Variants in ALOX5AP observed in about 807,000 individuals in gnomAD.
ALOX5AP encodes arachidonate 5-lipoxygenase-activating protein.
Under a neutral mutation model 18.5 loss-of-function variants are expected in ALOX5AP, and 9 were observed. That is an observed-to-expected ratio of 0.49 (90% CI 0.29 to 0.85). The LOEUF is 0.85. Ranked by LOEUF, ALOX5AP falls within the 40% of genes least tolerant of loss-of-function variation. The pLI is 0.08. For missense variants in ALOX5AP, 172 were observed against 202.5 expected (o/e 0.85, Z 0.91); for synonymous variants, 81 against 78.6 (o/e 1.03, Z -0.16).
intron 4 of ALOX5AP, among the ~76,000 whole-genome samples, chr13:30,760,636 C>T (rs1951933744): frequency 6.6e-6 from 1 of 152,220 alleles, no homozygotes; most frequent in South Asian, 2.1e-4. Flanking sequence ...ATTCTGGCCT[C>T]ACACAGGCAG....
chr13:30,735,763 G>GTT, intron 1 of ALOX5AP, 88 bp downstream of exon 1: 3 of 1,465,084 alleles, frequency 2.0e-6, no homozygotes, highest in East Asian at 2.3e-5. Context: ...AATTGTGTCT[G>GTT]TGTGTGCGCA....
At chr13:30,722,422 T>A (rs1449826773) in intron 1 of ALOX5AP, among the ~76,000 whole-genome samples, 1 of 152,258 alleles carries the variant, frequency 6.6e-6, no homozygotes, top group Non-Finnish European at 1.5e-5. Context: ...TATTTTATTT[T>A]TTTTTGTTTA....
chr13:30,762,751 G>A (rs1951952532), intron 4 of ALOX5AP, among the ~76,000 whole-genome samples: 1 of 152,150 alleles, frequency 6.6e-6, no homozygotes, highest in African/African-American at 2.4e-5. Context: ...TTAGCTGTTG[G>A]GCTGAGCTGG....
At chr13:30,740,411 T>A (rs1392185387) in intron 1 of ALOX5AP, among the ~76,000 whole-genome samples, 1 of 152,244 alleles carries the variant, frequency 6.6e-6, no homozygotes, top group African/African-American at 2.4e-5. Flanking sequence ...TAGCTAGCAG[T>A]GCCCACGTAC....
chr13:30,741,002 A>G (rs12018461), intron 1 of ALOX5AP, among the ~76,000 whole-genome samples: 43,111 of 149,184 alleles, frequency 0.29, 6,787 homozygotes, highest in African/African-American at 0.42. Context: ...CTGGGGGATT[A>G]GTTCTATGAC....
intron 1 of ALOX5AP, among the ~76,000 whole-genome samples, chr13:30,723,322 A>G (rs1451453575): frequency 6.6e-6 from 1 of 152,170 alleles, no homozygotes; most frequent in Non-Finnish European, 1.5e-5. Context: ...TTGCATGTGG[A>G]TGTCCAGTTG....
intron 4 of ALOX5AP, among the ~76,000 whole-genome samples, chr13:30,758,688 T>C (rs1432993078): frequency 6.6e-6 from 1 of 152,188 alleles, no homozygotes; most frequent in East Asian, 1.9e-4. Flanking sequence ...CCTTCCTCTA[T>C]CCTGTTTAGT....
intron 4 of ALOX5AP, among the ~76,000 whole-genome samples, chr13:30,756,241 G>A (rs1029023570): frequency 6.6e-6 from 1 of 152,114 alleles, no homozygotes; most frequent in Non-Finnish European, 1.5e-5. Flanking sequence ...TTCTTATTAA[G>A]CAATTCCTCC....
intron 1 of ALOX5AP, among the ~76,000 whole-genome samples, chr13:30,721,359 G>A (rs1375725633): frequency 4.6e-5 from 7 of 152,162 alleles, no homozygotes; most frequent in African/African-American, 1.7e-4. Flanking sequence ...ACCAAGTACT[G>A]TAAGACTGAG....
chr13:30,727,060 CTTT>C (rs35918047), intron 1 of ALOX5AP, among the ~76,000 whole-genome samples: 1 of 141,748 alleles, frequency 7.1e-6, no homozygotes, highest in South Asian at 2.2e-4. Flanking sequence ...ATGATTTTGC[CTTT>C]TTTTTTTTTT....
intron 1 of ALOX5AP, among the ~76,000 whole-genome samples, chr13:30,729,076 T>C (rs1267113642): frequency 1.3e-5 from 2 of 152,248 alleles, no homozygotes; most frequent in East Asian, 1.9e-4. Flanking sequence ...ATTGGCTATA[T>C]GTATATCTTC....
chr13:30,753,430 G>T (rs1951868138), intron 3 of ALOX5AP, among the ~76,000 whole-genome samples: 1 of 152,204 alleles, frequency 6.6e-6, no homozygotes, highest in African/African-American at 2.4e-5. Flanking sequence ...ATGCGGACTT[G>T]CTGTAGCTAG....
chr13:30,756,813 CAAAAAAAAAA>C (rs60551684), intron 4 of ALOX5AP, among the ~76,000 whole-genome samples: 8 of 59,262 alleles, frequency 1.3e-4, no homozygotes, highest in African/African-American at 6.3e-4. Context: ...AACTCCATCT[CAAAAAAAAAA>C]AAAAAAAAAA....
In ALOX5AP at chr13:30,722,151, G is replaced by T. The variant is rs567014456; in HGVS notation, c.116+8310G>T. On this transcript the variant is annotated intron_variant, in intron 1 of 5. Transcript: ENST00000617770. ...AAGGGTGGGATTTCCAAGAAAGCTC[G>T]TTGAAGACATAATTCCTCATTTCAC... 2.2e-4 allele frequency among the ~76,000 whole-genome samples: 34 copies of T among 152,338 alleles called. 2 individuals carry two copies. In the South Asian group the frequency reaches 4.6e-3, roughly 20 times the overall value.
At chr13:30,750,116 T>C (rs9671124) in intron 2 of ALOX5AP, among the ~76,000 whole-genome samples, 89,390 of 152,064 alleles carry the variant, frequency 0.59, 26,712 homozygotes, top group East Asian at 0.73. Flanking sequence ...CTGAGGTGGG[T>C]GTGAACATTT....
At chr13:30,745,048 A>G (rs1168715926) in intron 2 of ALOX5AP, among the ~76,000 whole-genome samples, 1 of 152,184 alleles carries the variant, frequency 6.6e-6, no homozygotes, top group South Asian at 2.1e-4. Flanking sequence ...CAGGACAAAG[A>G]TTCACACTGC....
At chr13:30,718,647 A>G (rs928360131) in intron 1 of ALOX5AP, among the ~76,000 whole-genome samples, 1 of 152,080 alleles carries the variant, frequency 6.6e-6, no homozygotes, top group Admixed American at 6.5e-5. Context: ...CCTTCTCAAA[A>G]AAGGCCTTTT....
chr13:30,756,400 A>G (rs1050364914), intron 4 of ALOX5AP, among the ~76,000 whole-genome samples: 2 of 152,144 alleles, frequency 1.3e-5, no homozygotes, highest in African/African-American at 4.8e-5. Flanking sequence ...GAAATGTTTC[A>G]TTGTTTGTCT....
intron 1 of ALOX5AP, among the ~76,000 whole-genome samples, chr13:30,738,807 C>A (rs752339070): frequency 1.6e-4 from 24 of 152,100 alleles, no homozygotes; most frequent in Non-Finnish European, 1.9e-4. Context: ...GCATTAGCAG[C>A]GGCCTCTTTC....
Sources: allele counts gnomAD v4.1 joint callset (sites outside exome capture counted in the v4.1 genomes callset), GRCh38; gene constraint gnomAD v4.1.1; transcripts MANE v1.5; gene names NCBI Gene and HGNC (gene_info 2026-07-23, HGNC 2026-07-21).